SEMA3B: variants seen among roughly 807,000 people sequenced by gnomAD.
SEMA3B encodes semaphorin 3B.
A neutral mutation model predicts 77.8 loss-of-function variants in SEMA3B; 71 were observed. The observed-to-expected ratio is 0.91, with a 90% CI of 0.75 to 1.11. The LOEUF (loss-of-function observed/expected upper bound fraction) is 1.11, where lower values mean the gene tolerates loss of function less well. SEMA3B is among the 50% of genes most tolerant of loss of function. The pLI is 0.00. For missense variants in SEMA3B, 968 were observed against 1,056.8 expected, an observed-to-expected ratio of 0.92 and a Z score of 1.17; for synonymous variants, 470 against 452.9, an observed-to-expected ratio of 1.04 and a Z score of -0.48.
At position 50,275,971 on chromosome 3, in the gene SEMA3B, C is replaced by G; in HGVS notation, c.1845+127C>G. ...CCCCGCCCTGTCCAGTTTGGTCCCT[C>G]ACCTGCACTCCACAAGCTGCTGAGG... On this transcript the variant is annotated intron_variant, in intron 16 of 16. Coordinates refer to ENST00000616701, the MANE Select transcript of SEMA3B (RefSeq NM_001290060.2). The surrounding 1 kb of genome is among the most constrained non-coding windows in gnomAD (Gnocchi z 7.5). 1 of 1,251,950 alleles carries G rather than the reference C, an allele frequency of 8.0e-7. No homozygotes were observed. Among genetic ancestry groups the G allele is most frequent in the Non-Finnish European group, 1.1e-6 (1 of 932,392 alleles). 77.6% of individuals were successfully genotyped at this position (1,251,950 alleles called of 1,614,324 possible). A position where few individuals can be genotyped will look rare whatever the true frequency, so the allele number is the denominator to read the frequency against.
In SEMA3B at chr3:50,270,652, C is replaced by G; in HGVS notation, c.330+157C>G. ...GGGGTGGTGAGTCAGGGTGGGGGCT[C>G]GTGTAATTCTTCTGGGGTGCCTCTG... On this transcript the variant is annotated intron_variant, in intron 3 of 16. Transcript: ENST00000616701. This position sits in a 1 kb window ranked among gnomAD's most constrained non-coding sequence, Gnocchi z 4.7. 8.7e-7 allele frequency: 1 copy of G among 1,151,068 alleles called. No homozygotes were observed. 71.3% of individuals were successfully genotyped at this position (1,151,068 alleles called of 1,614,324 possible).
rs1183161818 is a variant in SEMA3B, at chr3:50,277,529, G to A, written c.*823G>A. On this transcript the variant is annotated 3_prime_UTR_variant, in exon 17 of 17. Coordinates refer to ENST00000616701, the MANE Select transcript of SEMA3B (RefSeq NM_001290060.2). ...ATCTCGCCGCTGCACTCCAGCCTGG[G>A]CGACAGAGCGAGACTCCAAAAAAAA... 2.2e-5 allele frequency: 3 copies of A among 136,074 alleles called. No homozygotes were observed. The highest frequency in any genetic ancestry group is 5.7e-5 in the African/African-American group (2 of 35,082). 8.4% of individuals were successfully genotyped at this position (136,074 alleles called of 1,614,324 possible). A position where few individuals can be genotyped will look rare whatever the true frequency, so the allele number is the denominator to read the frequency against.
At chr3:50,264,346 T>G (rs587722789), upstream of SEMA3B, among the ~76,000 whole-genome samples, 61 of 152,304 alleles carry the variant, frequency 4.0e-4, no homozygotes, top group Admixed American at 1.4e-3. Context: ...GAGGCCCTCA[T>G]AGGCCTGGGT....
In SEMA3B at chr3:50,270,721, C is replaced by T. The variant is rs986091158; in HGVS notation, c.331-169C>T. On this transcript the variant is annotated intron_variant, in intron 3 of 16. Transcript: ENST00000616701. This position sits in a 1 kb window ranked among gnomAD's most constrained non-coding sequence, Gnocchi z 4.7. ...AGGCCTGTGCTTCCCCAGACACCCACCCTCGTGAGGCCTGGGCTGGTCAGC... is the reference window on the plus strand; with the variant it reads ...AGGCCTGTGCTTCCCCAGACACCCATCCTCGTGAGGCCTGGGCTGGTCAGC... 5 of 1,243,372 alleles carry T rather than the reference C, an allele frequency of 4.0e-6. No homozygotes were observed. Among genetic ancestry groups the T allele is most frequent in the East Asian group, 5.1e-5 (2 of 39,170 alleles). The allele number at this position is 1,243,372 out of a possible 1,614,324, so 77.0% of individuals were successfully genotyped here.
chr3:50,265,485 G>C (rs143885784), upstream of SEMA3B, among the ~76,000 whole-genome samples: 1 of 152,320 alleles, frequency 6.6e-6, no homozygotes, highest in Non-Finnish European at 1.5e-5. Flanking sequence ...GGAGGCAGGT[G>C]CTGAGATTTG....
rs1553706424 is a variant in SEMA3B, at chr3:50,275,544, C to T, written c.1650-16C>T. On this transcript the variant is annotated splice_polypyrimidine_tract_variant and intron_variant, in intron 14 of 16. Coordinates refer to ENST00000616701, the MANE Select transcript of SEMA3B (RefSeq NM_001290060.2). The surrounding 1 kb of genome is among the most constrained non-coding windows in gnomAD (Gnocchi z 7.5). ...GCTGAAAGAAGGGCTCACAGAAGAT[C>T]GGATGTTCCCCACAGGCGGTTCCGG... The T allele has an allele frequency of 6.2e-7, 1 of 1,613,566 alleles. No homozygotes were observed. Among genetic ancestry groups the T allele is most frequent in the Middle Eastern group, 1.6e-4 (1 of 6,084 alleles).
chr3:50,276,075 G>C lies in SEMA3B; in HGVS notation c.1846-227G>C, dbSNP rs1191018569. Reference sequence around the variant, plus strand: ...ACCCGCCCTCGACCCTCCCATTAAGGTCCCTGACCACCCCCCACCAAGTTC... The same window carrying C: ...ACCCGCCCTCGACCCTCCCATTAAGCTCCCTGACCACCCCCCACCAAGTTC... On this transcript the variant is annotated intron_variant, in intron 16 of 16. Coordinates refer to ENST00000616701, the MANE Select transcript of SEMA3B (RefSeq NM_001290060.2). The surrounding 1 kb of genome is among the most constrained non-coding windows in gnomAD (Gnocchi z 5.8). 8 of 794,926 alleles carry C rather than the reference G, an allele frequency of 1.0e-5. No individual in the cohort carries two copies. Among genetic ancestry groups the C allele is most frequent in the Non-Finnish European group, 1.5e-5 (8 of 522,798 alleles). 49.2% of individuals were successfully genotyped at this position (794,926 alleles called of 1,614,324 possible).
rs953498654 is a variant in SEMA3B at position 50,270,715 on chromosome 3, C to T, written c.331-175C>T. 43 of 1,221,370 alleles carry T rather than the reference C, an allele frequency of 3.5e-5. No individual in the cohort carries two copies. Among genetic ancestry groups the T allele is most frequent in the Middle Eastern group, 2.8e-4 (1 of 3,558 alleles). The allele number at this position is 1,221,370 out of a possible 1,614,324, so 75.7% of individuals were successfully genotyped here. A position where few individuals can be genotyped will look rare whatever the true frequency, so the allele number is the denominator to read the frequency against. On this transcript the variant is annotated intron_variant, in intron 3 of 16. Coordinates refer to ENST00000616701, the MANE Select transcript of SEMA3B (RefSeq NM_001290060.2). The surrounding 1 kb of genome is among the most constrained non-coding windows in gnomAD (Gnocchi z 4.7). The stretch of plus-strand genomic sequence containing the variant: ...CTTTGCAGGCCTGTGCTTCCCCAGA[C>T]ACCCACCCTCGTGAGGCCTGGGCTG...
chr3:50,273,161 T>A lies in SEMA3B; in HGVS notation c.665-137T>A, dbSNP rs1553705671. 2 of 1,310,124 alleles carry A rather than the reference T, an allele frequency of 1.5e-6. No homozygotes were observed. Among genetic ancestry groups the A allele is most frequent in the Non-Finnish European group, 2.1e-6 (2 of 969,392 alleles). The allele number at this position is 1,310,124 out of a possible 1,614,324, so 81.2% of individuals were successfully genotyped here. On this transcript the variant is annotated intron_variant, in intron 6 of 16. Coordinates refer to ENST00000616701, the MANE Select transcript of SEMA3B (RefSeq NM_001290060.2). The surrounding 1 kb of genome is among the most constrained non-coding windows in gnomAD (Gnocchi z 6.5). ...GTCCGCGCAGAGCGCCAACTGGACA[T>A]GGTGCTAGAGGTTGGGTGGTCAGAC...
chr3:50,275,078 G>A lies in SEMA3B; in HGVS notation c.1491+25G>A. 1 of 1,565,396 alleles carries A rather than the reference G, an allele frequency of 6.4e-7. No individual in the cohort carries two copies. The highest frequency in any genetic ancestry group is 8.7e-7 in the Non-Finnish European group (1 of 1,151,844). On this transcript the variant is annotated intron_variant, in intron 13 of 16. Transcript: ENST00000616701. This position sits in a 1 kb window ranked among gnomAD's most constrained non-coding sequence, Gnocchi z 7.5. ...GGTGAGTGACCAGGATGGGGGTCGG[G>A]GTGGGATGGACTGAGCTTGTGCCTG...
Position 50,276,606 on chromosome 3 carries a change from A to C in SEMA3B, c.2150A>C (p.Gln717Pro). 1 of 1,585,714 alleles carries C rather than the reference A, an allele frequency of 6.3e-7. No individual in the cohort carries two copies. Among genetic ancestry groups the C allele is most frequent in the Non-Finnish European group, 8.5e-7 (1 of 1,171,408 alleles). Residue 717 changes from glutamine (Q) to proline (P), a missense_variant, in exon 17 of 17, where the codon CAG (glutamine) becomes CCG (proline). Gln to Pro is a moderately conservative substitution (Grantham distance 76, BLOSUM62 -1). Transcript: ENST00000616701. The surrounding 1 kb of genome is among the most constrained non-coding windows in gnomAD (Gnocchi z 5.8). ...ATGTGCCGCCCGCAGCCTGCGCTGC[A>C]GTCACTGCCCCTGGAGTCGCGGAGA... ...LRMCRPQPAL[Q>P]SLPLESRRKG...
rs1378048450 is a variant in SEMA3B at position 50,270,873 on chromosome 3, A to G, written c.331-17A>G. On this transcript the variant is annotated splice_polypyrimidine_tract_variant and intron_variant, in intron 3 of 16. Coordinates refer to ENST00000616701, the MANE Select transcript of SEMA3B (RefSeq NM_001290060.2). This position sits in a 1 kb window ranked among gnomAD's most constrained non-coding sequence, Gnocchi z 4.7. ...GCTACGTCCCTGGGGGAAGCCTCAC[A>G]CCTCCAACCCTACTAGACTGAGTGC... 2 of 1,585,790 alleles carry G rather than the reference A, an allele frequency of 1.3e-6. No individual in the cohort carries two copies. The highest frequency in any genetic ancestry group is 1.7e-6 in the Non-Finnish European group (2 of 1,165,788).
At chr3:50,263,470 G>A (rs1553704156), upstream of SEMA3B, 1 of 128,704 alleles carries the variant, frequency 7.8e-6, no homozygotes, top group Non-Finnish European at 1.6e-5. Context: ...CTGCACTCCA[G>A]CCTGGGTGGC....
At position 50,276,658 on chromosome 3, in the gene SEMA3B, C is replaced by T; in HGVS notation, c.2202C>T (p.Ala734=). Residue 734 remains alanine (A), a synonymous_variant, in exon 17 of 17, where the codon GCC becomes GCT. Coordinates refer to ENST00000616701, the MANE Select transcript of SEMA3B (RefSeq NM_001290060.2). This position sits in a 1 kb window ranked among gnomAD's most constrained non-coding sequence, Gnocchi z 5.8. The part of the protein sequence containing the change: ...RRKGRNRRTH[A]PEPRAERGPR... ...AGGGCCGTAACCGGAGGACCCACGC[C>T]CCTGAGCCTCGCGCTGAGCGGGGGC... The T allele has an allele frequency of 1.3e-6, 2 of 1,585,358 alleles. No individual in the cohort carries two copies. The highest frequency in any genetic ancestry group is 1.7e-6 in the Non-Finnish European group (2 of 1,171,866).
chr3:50,269,120 T>A, upstream of SEMA3B: 2 of 708,306 alleles, frequency 2.8e-6, no homozygotes, highest in Non-Finnish European at 4.8e-6. The surrounding 1 kb of genome is among the most constrained non-coding windows in gnomAD (Gnocchi z 4.0). Context: ...ACTCCCCCCC[T>A]AGCCTCCCGC....
rs782135064 is a variant in SEMA3B at position 50,273,941 on chromosome 3, G to C, written c.1021G>C (p.Val341Leu). The change falls in exon 10 of 17, where the codon GTG becomes CTG. Residue 341 changes from valine (V) to leucine (L), a missense_variant. Physicochemically the swap from Val to Leu is conservative, Grantham distance 32. Coordinates refer to ENST00000616701, the MANE Select transcript of SEMA3B (RefSeq NM_001290060.2). The surrounding 1 kb of genome is among the most constrained non-coding windows in gnomAD (Gnocchi z 6.5). ...CATCTTCCAGGGCTCTGCGGTGTGC[G>C]TGTACAGCATGAACGACGTGCGCCG... is the stretch of plus-strand genomic sequence containing the variant. ...SSIFQGSAVC[V>L]YSMNDVRRAF... 1 of 1,613,104 alleles carries C rather than the reference G, an allele frequency of 6.2e-7. No individual in the cohort carries two copies.
At position 50,274,946 on chromosome 3, in the gene SEMA3B, C is replaced by A. The variant is rs1553706211; in HGVS notation, c.1449+12C>A. ...TGCACGTGTTTGAGGTGAGGCCTCA[C>A]CCCCAGTCGCCCGGGACCCCCCCAC... On this transcript the variant is annotated intron_variant, in intron 12 of 16. Transcript: ENST00000616701. The surrounding 1 kb of genome is among the most constrained non-coding windows in gnomAD (Gnocchi z 4.7). 5.6e-6 allele frequency: 9 copies of A among 1,603,612 alleles called. No homozygotes were observed. The highest frequency in any genetic ancestry group is 7.7e-6 in the Non-Finnish European group (9 of 1,176,442).
the SEMA3B span, chr3:50,261,546 G>T: frequency 7.9e-4 from 120 of 152,658 alleles, no homozygotes; most frequent in Admixed American, 2.5e-3. Context: ...CAGGCAGGCT[G>T]CCTCGGTAGT....
In SEMA3B at chr3:50,269,272, C is replaced by A; in HGVS notation, c.32C>A (p.Pro11Gln). 6.5e-7 allele frequency: 1 copy of A among 1,538,044 alleles called. No individual in the cohort carries two copies. The highest frequency in any genetic ancestry group is 8.7e-7 in the Non-Finnish European group (1 of 1,146,636). Residue 11 changes from proline (P) to glutamine (Q), a missense_variant, in exon 1 of 17, where the codon CCG becomes CAG. Transcript: ENST00000616701. The surrounding 1 kb of genome is among the most constrained non-coding windows in gnomAD (Gnocchi z 4.0). Reference protein sequence around the residue: MGRAGAAAVIPGLALLWAVGL... With the variant: MGRAGAAAVIQGLALLWAVGL... ...CGGGCCGGGGCTGCCGCCGTGATCC[C>A]GGGCCTGGCCCTGCTCTGGGCAGTG...
Sources: allele counts gnomAD v4.1 joint callset (sites outside exome capture counted in the v4.1 genomes callset), GRCh38; gene constraint gnomAD v4.1.1; non-coding constraint Gnocchi (gnomAD v3.1); transcripts MANE v1.5; gene names NCBI Gene and HGNC (gene_info 2026-07-23, HGNC 2026-07-21).